The following GNAO1 variants were observed in gnomAD, a reference collection of about 807,000 sequenced individuals.
GNAO1 encodes guanine nucleotide-binding protein G(o) subunit alpha.
For missense variants in GNAO1, 166 were observed against 478.7 expected, an observed-to-expected ratio of 0.35 and a Z score of 6.10; for synonymous variants, 164 against 180.7, an observed-to-expected ratio of 0.91 and a Z score of 0.74.
chr16:56,207,641 A>T (rs1380833806), intron 2 of GNAO1, among the ~76,000 whole-genome samples: 27 of 152,208 alleles, frequency 1.8e-4, no homozygotes, highest in Admixed American at 1.8e-3. Flanking sequence ...AGCACTCACC[A>T]TATGTTCAAC....
intron 6 of GNAO1, chr16:56,347,320 C>A: frequency 1.0e-6 from 1 of 985,480 alleles, no homozygotes; most frequent in Non-Finnish European, 1.2e-6. Flanking sequence ...GTGCCGAAGG[C>A]AGTCACCCCC....
chr16:56,274,797 T>C (rs1184673810), intron 2 of GNAO1, among the ~76,000 whole-genome samples: 1 of 152,136 alleles, frequency 6.6e-6, no homozygotes, highest in Non-Finnish European at 1.5e-5. Flanking sequence ...GGATACAAAG[T>C]TCCTTTTGGG....
intron 4 of GNAO1, among the ~76,000 whole-genome samples, chr16:56,330,001 G>A (rs1286331774): frequency 6.6e-6 from 1 of 152,242 alleles, no homozygotes; most frequent in African/African-American, 2.4e-5. Flanking sequence ...CCAATGGACA[G>A]AGGCTGAGGC....
intron 2 of GNAO1, among the ~76,000 whole-genome samples, chr16:56,274,920 A>G (rs2037048697): frequency 1.3e-5 from 2 of 152,218 alleles, no homozygotes; most frequent in Admixed American, 6.5e-5. Flanking sequence ...TATGAACTAT[A>G]TCTCAATAAA....
chr16:56,353,798 T>C (rs1196755153), intron 7 of GNAO1, among the ~76,000 whole-genome samples: 2 of 152,192 alleles, frequency 1.3e-5, no homozygotes, highest in Non-Finnish European at 2.9e-5. Context: ...GATGAGGCTT[T>C]GCACTGTGGG....
chr16:56,280,128 G>A (rs116432813), intron 3 of GNAO1, among the ~76,000 whole-genome samples: 183 of 152,376 alleles, frequency 1.2e-3, no homozygotes, highest in African/African-American at 4.3e-3. Flanking sequence ...TCAAAGGCAT[G>A]TGAGTTGGAG....
At chr16:56,345,678 G>A in intron 6 of GNAO1, 2 of 985,566 alleles carry the variant, frequency 2.0e-6, no homozygotes. Context: ...GGACGTGGCA[G>A]AGGACAGGCC....
intron 2 of GNAO1, among the ~76,000 whole-genome samples, chr16:56,258,215 T>C (rs533720940): frequency 1.3e-5 from 2 of 152,150 alleles, no homozygotes; most frequent in African/African-American, 4.8e-5. Context: ...CTTGCTGAGG[T>C]GGAGATTATG....
rs533343487 is a variant in GNAO1 at position 56,304,478 on chromosome 16, G to C, written c.304-24153G>C. Among the ~76,000 whole-genome samples the C allele has an allele frequency of 1.2e-4, 19 of 152,306 alleles. No homozygotes were observed. In the South Asian group the frequency reaches 3.5e-3, roughly 28 times the overall value. On this transcript the variant is annotated intron_variant, in intron 3 of 8. Coordinates refer to ENST00000262493, the MANE Select transcript of GNAO1 (RefSeq NM_020988.3). ...GGACTTAACATAACACTTTAACATTGTTGGGAGCTGGCTTTCATGTCCATT... is the reference window on the plus strand; with the variant it reads ...GGACTTAACATAACACTTTAACATTCTTGGGAGCTGGCTTTCATGTCCATT...
At chr16:56,312,277 T>C (rs1343817271) in intron 3 of GNAO1, among the ~76,000 whole-genome samples, 43 of 152,172 alleles carry the variant, frequency 2.8e-4, no homozygotes, top group Non-Finnish European at 8.8e-5. Context: ...TCATAACCCA[T>C]CTGATCTTCG....
intron 6 of GNAO1, among the ~76,000 whole-genome samples, chr16:56,338,144 G>A (rs1474780514): frequency 6.6e-6 from 1 of 152,176 alleles, no homozygotes; most frequent in East Asian, 1.9e-4. Context: ...TAGGGAGGAG[G>A]AGCCGCCGCC....
At chr16:56,295,753 G>T (rs1277438422) in intron 3 of GNAO1, among the ~76,000 whole-genome samples, 1 of 152,142 alleles carries the variant, frequency 6.6e-6, no homozygotes, top group Non-Finnish European at 1.5e-5. Flanking sequence ...CACCAAGGTG[G>T]TCTCCCTGCC....
intron 3 of GNAO1, among the ~76,000 whole-genome samples, chr16:56,309,448 ACTC>A (rs1281200158): frequency 6.6e-6 from 1 of 151,870 alleles, no homozygotes; most frequent in Non-Finnish European, 1.5e-5. Context: ...GATGCCACAC[ACTC>A]CTTGGGGAGC....
intron 2 of GNAO1, among the ~76,000 whole-genome samples, chr16:56,264,237 A>G (rs1275569828): frequency 6.6e-6 from 1 of 152,250 alleles, no homozygotes; most frequent in East Asian, 1.9e-4. Flanking sequence ...TCAAGTCACG[A>G]TATCTGTAAT....
chr16:56,228,428 A>AGT (rs202152293), intron 2 of GNAO1, among the ~76,000 whole-genome samples: 5 of 150,170 alleles, frequency 3.3e-5, no homozygotes, highest in Non-Finnish European at 5.9e-5. Flanking sequence ...TATATATGTG[A>AGT]GTGTGTGTGT....
chr16:56,336,630 C>G, intron 5 of GNAO1, 101 bp from the exon 6 acceptor site: 1 of 1,093,444 alleles, frequency 9.1e-7, no homozygotes, highest in Non-Finnish European at 1.3e-6. Flanking sequence ...CTCTGAGCAC[C>G]ATGGCCCCCA....
chr16:56,206,615 C>T (rs1416283431), intron 2 of GNAO1, among the ~76,000 whole-genome samples: 1 of 152,162 alleles, frequency 6.6e-6, no homozygotes, highest in African/African-American at 2.4e-5. Flanking sequence ...GATGGTTACA[C>T]TACTGTGTAT....
intron 5 of GNAO1, 49 bp from the exon 6 acceptor site, chr16:56,336,682 G>C: frequency 6.4e-7 from 1 of 1,551,586 alleles, no homozygotes; most frequent in Non-Finnish European, 8.7e-7. Context: ...TCCCCAGGCA[G>C]CCCTCACCTG....
At chr16:56,275,599 G>A (rs1596836233) in intron 2 of GNAO1, among the ~76,000 whole-genome samples, 1 of 152,160 alleles carries the variant, frequency 6.6e-6, no homozygotes, top group Non-Finnish European at 1.5e-5. Flanking sequence ...CCCGAACTTT[G>A]CTTAAAATAC....
Sources: allele counts gnomAD v4.1 joint callset (sites outside exome capture counted in the v4.1 genomes callset), GRCh38; gene constraint gnomAD v4.1.1; transcripts MANE v1.5; gene names NCBI Gene and HGNC (gene_info 2026-07-23, HGNC 2026-07-21).